Variants in OPCML observed in about 807,000 individuals in gnomAD.
The protein encoded by OPCML is opioid binding protein/cell adhesion molecule like, also known as opioid-binding protein/cell adhesion molecule.
Under a neutral mutation model 37.8 loss-of-function variants are expected in OPCML, and 13 were observed. The ratio of observed to expected loss-of-function variants is 0.34; its 90% confidence interval spans 0.22 to 0.55. OPCML has a LOEUF of 0.55. Ranked by LOEUF, OPCML falls within the 20% of genes least tolerant of loss-of-function variation. The pLI, the probability that OPCML is intolerant of heterozygous loss-of-function variation, is 0.91. For missense variants in OPCML, 341 were observed against 435.6 expected (o/e 0.78, Z 1.93); for synonymous variants, 176 against 168.8 (o/e 1.04, Z -0.33).
intron 1 of OPCML, among the ~76,000 whole-genome samples, chr11:133,232,505 G>C (rs1181771527): frequency 2.0e-5 from 3 of 152,012 alleles, no homozygotes; most frequent in Non-Finnish European, 4.4e-5. Flanking sequence ...TTAGGACTTG[G>C]AGTAAAGTGA....
intron 1 of OPCML, among the ~76,000 whole-genome samples, chr11:133,483,868 G>T (rs1947455597): frequency 6.7e-6 from 1 of 148,200 alleles, no homozygotes; most frequent in Non-Finnish European, 1.5e-5. Context: ...TAGATTCATA[G>T]AGAGACTTAT....
intron 2 of OPCML, among the ~76,000 whole-genome samples, chr11:132,690,937 A>T (rs1030410699): frequency 6.6e-5 from 10 of 152,228 alleles, no homozygotes; most frequent in African/African-American, 2.4e-4. Flanking sequence ...TAAAGAAAAC[A>T]TGCAAAATAG....
intron 1 of OPCML, among the ~76,000 whole-genome samples, chr11:132,960,999 C>G (rs1420451052): frequency 6.6e-6 from 1 of 152,198 alleles, no homozygotes; most frequent in Non-Finnish European, 1.5e-5. Context: ...CCTGCTGAAT[C>G]TAGCAGCCTC....
At chr11:133,339,564 A>G (rs574499447) in intron 1 of OPCML, among the ~76,000 whole-genome samples, 17 of 152,208 alleles carry the variant, frequency 1.1e-4, no homozygotes, top group Middle Eastern at 3.4e-3. Flanking sequence ...CGATGCTCAG[A>G]TTTACCCTTT....
intron 1 of OPCML, among the ~76,000 whole-genome samples, chr11:133,251,601 A>G (rs1238463832): frequency 6.6e-6 from 1 of 151,914 alleles, no homozygotes; most frequent in East Asian, 1.9e-4. Context: ...GACACGGGGT[A>G]CAGACCTGGA....
chr11:132,751,279 C>T (rs1945822965), intron 2 of OPCML, among the ~76,000 whole-genome samples: 1 of 152,254 alleles, frequency 6.6e-6, no homozygotes, highest in South Asian at 2.1e-4. Flanking sequence ...TCCACTCCTC[C>T]AGCGGTGGTG....
chr11:133,471,746 G>A lies in OPCML; in HGVS notation c.61+60518C>T, dbSNP rs1947121253. On this transcript the variant is annotated intron_variant, in intron 1 of 7. Coordinates refer to ENST00000524381, the MANE Select transcript of OPCML (RefSeq NM_001012393.5). ...AGTAAAATGTTTCCATGATGCTCAT[G>A]ACAGGGTCTAAAATTGAATAGGTTA... Among the ~76,000 whole-genome samples, 6 of 152,300 alleles carry A rather than the reference G, an allele frequency of 3.9e-5. No homozygotes were observed. In the South Asian group the frequency reaches 1.2e-3, roughly 32 times the overall value.
intron 1 of OPCML, among the ~76,000 whole-genome samples, chr11:132,994,775 T>C (rs541447275): frequency 1.3e-4 from 20 of 152,254 alleles, no homozygotes; most frequent in African/African-American, 4.6e-4. Context: ...CTCAAGATCC[T>C]CACATTCTTG....
chr11:132,452,616 C>A (rs1592196879), intron 4 of OPCML, among the ~76,000 whole-genome samples: 1 of 151,720 alleles, frequency 6.6e-6, no homozygotes, highest in South Asian at 2.1e-4. Flanking sequence ...TTCCTACTTT[C>A]CTTCCTTCTT....
intron 1 of OPCML, chr11:133,421,051 A>T (rs1228461349): frequency 1.0e-6 from 1 of 984,014 alleles, no homozygotes; most frequent in East Asian, 1.1e-4. Context: ...TTGTCCTGAG[A>T]TCAATAATCA....
chr11:133,260,116 G>C (rs1941445828), intron 1 of OPCML, among the ~76,000 whole-genome samples: 1 of 151,894 alleles, frequency 6.6e-6, no homozygotes, highest in African/African-American at 2.4e-5. Flanking sequence ...GAGTCCTGTG[G>C]CTCTCGGGGG....
intron 1 of OPCML, among the ~76,000 whole-genome samples, chr11:133,442,726 C>CGTGTGTGTGTGTGTGTGT (rs371441649): frequency 1.5e-4 from 21 of 141,448 alleles, no homozygotes; most frequent in East Asian, 8.5e-4. Flanking sequence ...CATATTTAAA[C>CGTGTGTGTGTGTGTGTGT]GTGTGTGTGT....
chr11:133,158,299 T>G (rs2137209353), intron 1 of OPCML, among the ~76,000 whole-genome samples: 1 of 152,322 alleles, frequency 6.6e-6, no homozygotes, highest in Middle Eastern at 3.4e-3. Context: ...AATGAGAGGC[T>G]TAGTTGAGAA....
intron 2 of OPCML, among the ~76,000 whole-genome samples, chr11:132,707,989 T>C (rs1944104347): frequency 2.0e-5 from 3 of 152,178 alleles, no homozygotes; most frequent in East Asian, 3.9e-4. Context: ...AGGAAATGAG[T>C]AAAATCAATA....
chr11:132,616,540 A>T (rs1326633495), intron 3 of OPCML, among the ~76,000 whole-genome samples: 1 of 152,196 alleles, frequency 6.6e-6, no homozygotes, highest in Non-Finnish European at 1.5e-5. Flanking sequence ...AAGGGAGTAG[A>T]AGAAGATGGT....
chr11:133,497,536 G>A (rs1393700872), intron 1 of OPCML, among the ~76,000 whole-genome samples: 3 of 151,958 alleles, frequency 2.0e-5, no homozygotes, highest in Non-Finnish European at 2.9e-5. Flanking sequence ...TTGTTACTAC[G>A]ATGCTTTCTG....
intron 4 of OPCML, among the ~76,000 whole-genome samples, chr11:132,469,757 TGA>T (rs2096130907): frequency 3.4e-5 from 4 of 117,314 alleles, no homozygotes; most frequent in Non-Finnish European, 5.1e-5. Flanking sequence ...TGGAGGGGTG[TGA>T]GTGTGTGTGT....
At chr11:133,466,035 TTGGAG>T (rs759879639) in intron 1 of OPCML, among the ~76,000 whole-genome samples, 7 of 152,222 alleles carry the variant, frequency 4.6e-5, no homozygotes, top group Non-Finnish European at 8.8e-5. Flanking sequence ...GGCTTCAAAC[TTGGAG>T]TGTCTGAATC....
chr11:132,748,712 G>C (rs1945730427), intron 2 of OPCML, among the ~76,000 whole-genome samples: 3 of 152,104 alleles, frequency 2.0e-5, no homozygotes, highest in Admixed American at 6.5e-5. Flanking sequence ...TTGGAGGATG[G>C]CGAGCGGAGA....
Sources: gnomAD v4.1 joint callset for allele counts (sites outside exome capture counted in the v4.1 genomes callset) on GRCh38, gnomAD v4.1.1 for gene constraint, MANE v1.5 for transcripts, NCBI Gene and HGNC (gene_info 2026-07-23, HGNC 2026-07-21) for gene names.